The following GOLGA8A variants were observed in gnomAD, a reference collection of about 807,000 sequenced individuals.
GOLGA8A encodes golgin A8 family member A.
Under a neutral mutation model 22.1 loss-of-function variants are expected in GOLGA8A, and 3 were observed. That is an observed-to-expected ratio of 0.14 (90% CI 0.06 to 0.35). The LOEUF (loss-of-function observed/expected upper bound fraction) is 0.35, where lower values mean the gene tolerates loss of function less well. Among genes scored for constraint, GOLGA8A ranks in the 10% least tolerant of loss-of-function variants. The pLI is 1.00. For synonymous variants in GOLGA8A, 7 were observed against 91.7 expected (o/e 0.08, Z 5.28); for missense variants, 16 against 233.2 (o/e 0.07, Z 6.07).
At chr15:34,437,038 C>T (rs1893555655) in intron 1 of GOLGA8A, among the ~76,000 whole-genome samples, 1 of 148,872 alleles carries the variant, frequency 6.7e-6, no homozygotes. Context: ...GCCCGACCAG[C>T]CCGGCGAGAC....
At chr15:34,427,389 T>C (rs948144837) in intron 2 of GOLGA8A, among the ~76,000 whole-genome samples, 2 of 145,294 alleles carry the variant, frequency 1.4e-5, no homozygotes, top group Admixed American at 1.4e-4. Context: ...CTTCCACACA[T>C]AGAAAATAAT....
Position 34,426,619 on chromosome 15 carries a change from A to G in GOLGA8A, c.-1123+8764T>C, listed in dbSNP as rs566979810. Among the ~76,000 whole-genome samples the G allele has an allele frequency of 1.2e-4, 17 of 145,286 alleles. 1 individual carries two copies. The highest frequency in any genetic ancestry group is 2.1e-4 in the Non-Finnish European group (14 of 65,786). On this transcript the variant is annotated intron_variant, in intron 2 of 24. Coordinates refer to ENST00000359187, the MANE Select transcript of GOLGA8A (RefSeq NM_181077.5). ...CTCAAGATCTATGTTATATAGCTCT[A>G]TCATATGTTAGGCGCCACCCCCGTT...
chr15:34,420,473 C>T (rs1323529345), intron 2 of GOLGA8A, among the ~76,000 whole-genome samples: 1 of 146,974 alleles, frequency 6.8e-6, no homozygotes, highest in Non-Finnish European at 1.5e-5. Flanking sequence ...AGGAAAACCC[C>T]AGGGTCCAGC....
intron 2 of GOLGA8A, among the ~76,000 whole-genome samples, chr15:34,426,719 G>C (rs1215749219): frequency 7.0e-6 from 1 of 143,874 alleles, no homozygotes; most frequent in East Asian, 2.2e-4. Context: ...AGAGATACAA[G>C]ATAATTGCGA....
rs2114262 is a variant in GOLGA8A, at chr15:34,435,441, C to G, written c.-1181G>C. ...TGGCAAACTGGATATTTATGCACCTCCATTTCACAATCCATCTCCACCGAT... is the reference window on the plus strand; with the variant it reads ...TGGCAAACTGGATATTTATGCACCTGCATTTCACAATCCATCTCCACCGAT... On this transcript the variant is annotated 5_prime_UTR_variant, in exon 2 of 25. Transcript: ENST00000359187. 81,718 of 148,604 alleles carry G rather than the reference C, an allele frequency of 0.55. 26,851 individuals carry two copies. The highest frequency in any genetic ancestry group is 0.66 in the Non-Finnish European group (44,430 of 66,922). 9.2% of individuals were successfully genotyped at this position (148,604 alleles called of 1,614,324 possible). A position where few individuals can be genotyped will look rare whatever the true frequency, so the allele number is the denominator to read the frequency against.
chr15:34,424,191 A>C (rs1480768877), intron 2 of GOLGA8A, among the ~76,000 whole-genome samples: 1 of 141,268 alleles, frequency 7.1e-6, no homozygotes, highest in Non-Finnish European at 1.5e-5. Context: ...AAACTCACTT[A>C]AACTGTCCAC....
At chr15:34,420,695 C>T (rs1286067236) in intron 2 of GOLGA8A, among the ~76,000 whole-genome samples, 8 of 128,040 alleles carry the variant, frequency 6.2e-5, no homozygotes, top group African/African-American at 2.0e-4. Context: ...AACACACCAT[C>T]GGCGGCCACT....
rs1339696156 is a variant in GOLGA8A, at chr15:34,397,278, C to T, written c.-382+1356G>A. 4.1e-5 allele frequency among the ~76,000 whole-genome samples: 6 copies of T among 145,102 alleles called. 1 individual carries two copies. The highest frequency in any genetic ancestry group is 7.7e-5 in the Non-Finnish European group (5 of 64,520). On this transcript the variant is annotated intron_variant, in intron 8 of 24. Coordinates refer to ENST00000359187, the MANE Select transcript of GOLGA8A (RefSeq NM_181077.5). ...GAGATTACAGGTGTGAGACACCATA[C>T]CCAGCTATATATTTTATTTCTGTAA...
chr15:34,433,053 A>T (rs349630), intron 2 of GOLGA8A, among the ~76,000 whole-genome samples: 14,925 of 148,916 alleles, frequency 0.1, 1,832 homozygotes, highest in East Asian at 0.28. Flanking sequence ...GGCCCCAGGG[A>T]TTAGTGGCAG....
chr15:34,424,145 C>G (rs1392390705), intron 2 of GOLGA8A, among the ~76,000 whole-genome samples: 1 of 146,136 alleles, frequency 6.8e-6, no homozygotes, highest in Non-Finnish European at 1.5e-5. Context: ...TCCCTAAGAC[C>G]CCTCTCCTCC....
intron 2 of GOLGA8A, chr15:34,417,778 C>G (rs78891083): frequency 0.073 from 9,146 of 124,844 alleles, 380 homozygotes; most frequent in South Asian, 0.17. Flanking sequence ...TTTCTAAGAT[C>G]TAGGATGTAG....
rs1229290445 is a variant in GOLGA8A at position 34,425,473 on chromosome 15, G to A, written c.-1123+9910C>T. The stretch of plus-strand genomic sequence containing the variant: ...GAAGAGATGTAAATGTAAAAAAATC[G>A]AGACTATCAAGTATTAGCAGAATAT... On this transcript the variant is annotated intron_variant, in intron 2 of 24. Transcript: ENST00000359187. Among the ~76,000 whole-genome samples, 15 of 145,202 alleles carry A rather than the reference G, an allele frequency of 1.0e-4. 1 individual carries two copies. The highest frequency in any genetic ancestry group is 4.7e-4 in the South Asian group (2 of 4,244).
In GOLGA8A at chr15:34,430,836, C is replaced by T. The variant is rs1390166753; in HGVS notation, c.-1123+4547G>A. Among the ~76,000 whole-genome samples the T allele has an allele frequency of 8.0e-5, 12 of 149,914 alleles. 1 individual carries two copies. The highest frequency in any genetic ancestry group is 3.0e-4 in the African/African-American group (12 of 40,606). On this transcript the variant is annotated intron_variant, in intron 2 of 24. Coordinates refer to ENST00000359187, the MANE Select transcript of GOLGA8A (RefSeq NM_181077.5). The stretch of plus-strand genomic sequence containing the variant: ...AGTCAAGACAAACTCTGAGCAGTGA[C>T]GCTCTACAGCTGGCTCACACGTGGA...
intron 8 of GOLGA8A, among the ~76,000 whole-genome samples, chr15:34,393,338 T>G (rs1163331375): frequency 2.6e-4 from 33 of 128,464 alleles, no homozygotes; most frequent in African/African-American, 8.9e-4. Flanking sequence ...TACAGTCCTC[T>G]AAATTTGAAA....
intron 2 of GOLGA8A, among the ~76,000 whole-genome samples, chr15:34,430,350 T>C (rs1303963242): frequency 1.3e-5 from 2 of 148,264 alleles, no homozygotes; most frequent in Non-Finnish European, 3.0e-5. Flanking sequence ...ACTCAAAGGG[T>C]AGAGAAAGTT....
At position 34,380,866 on chromosome 15, in the gene GOLGA8A, A is replaced by G. The variant is rs1891450219; in HGVS notation, c.*545T>C. On this transcript the variant is annotated 3_prime_UTR_variant, in exon 25 of 25. Transcript: ENST00000359187. Reference sequence around the variant, plus strand: ...AGGCTGTTTCCAGTTCTCGGCCTTTAAACAGCTCTAAATGTCAGTACTCAC... The same window carrying G: ...AGGCTGTTTCCAGTTCTCGGCCTTTGAACAGCTCTAAATGTCAGTACTCAC... 1 of 198,162 alleles carries G rather than the reference A, an allele frequency of 5.0e-6. No individual in the cohort carries two copies. The highest frequency in any genetic ancestry group is 1.4e-4 in the East Asian group (1 of 7,006). 12.3% of individuals were successfully genotyped at this position (198,162 alleles called of 1,614,324 possible).
At chr15:34,412,844 T>C (rs1303409514) in intron 2 of GOLGA8A, among the ~76,000 whole-genome samples, 3 of 141,576 alleles carry the variant, frequency 2.1e-5, no homozygotes, top group South Asian at 2.5e-4. Context: ...TCACATGCAA[T>C]AGAATTTCAT....
Position 34,421,125 on chromosome 15 carries a change from G to C in GOLGA8A, c.-1122-13390C>G, listed in dbSNP as rs544018485. 4.0e-4 allele frequency among the ~76,000 whole-genome samples: 57 copies of C among 141,562 alleles called. 3 individuals are homozygous for C. The highest frequency in any genetic ancestry group is 8.0e-4 in the Non-Finnish European group (52 of 65,040). 92.9% of individuals were successfully genotyped at this position (141,562 alleles called of 152,430 possible). On this transcript the variant is annotated intron_variant, in intron 2 of 24. Transcript: ENST00000359187. ...CACATGGGCCCTCGAGATCACACTG[G>C]GGCGCCCCCTTTGCCCCCACTTCCT...
In GOLGA8A at chr15:34,399,050, A is replaced by AG. The variant is rs1350472070; in HGVS notation, c.-478+104_-478+105insC. 6 of 143,068 alleles carry AG rather than the reference A, an allele frequency of 4.2e-5. 1 individual carries two copies. Among genetic ancestry groups the AG allele is most frequent in the Admixed American group, 3.5e-4 (5 of 14,128 alleles). 8.9% of individuals were successfully genotyped at this position (143,068 alleles called of 1,614,324 possible). On this transcript the variant is annotated intron_variant, in intron 7 of 24. Transcript: ENST00000359187. Reference sequence around the variant, plus strand: ...CTTGAAAGTAGGAGCTATGAAAAAAAAAACACTAAAATTTCTTGAAGAGAA... The same window carrying AG: ...CTTGAAAGTAGGAGCTATGAAAAAAAGAAACACTAAAATTTCTTGAAGAGAA...
Sources: gnomAD v4.1 joint callset for allele counts (sites outside exome capture counted in the v4.1 genomes callset) on GRCh38, gnomAD v4.1.1 for gene constraint, MANE v1.5 for transcripts, NCBI Gene and HGNC (gene_info 2026-07-23, HGNC 2026-07-21) for gene names.